The following NOTUM variants were observed in gnomAD, a reference collection of about 807,000 sequenced individuals.
The protein encoded by NOTUM is palmitoleoyl-protein carboxylesterase NOTUM.
A neutral mutation model predicts 65.5 loss-of-function variants in NOTUM; 36 were observed. The observed-to-expected ratio is 0.55, with a 90% confidence interval of 0.42 to 0.73. The LOEUF is 0.73. Among genes scored for constraint, NOTUM ranks in the 30% least tolerant of loss-of-function variants. The pLI is 0.00. For missense variants in NOTUM, 659 were observed against 694.2 expected, an observed-to-expected ratio of 0.95 and a Z score of 0.57; for synonymous variants, 356 against 297.9, an observed-to-expected ratio of 1.20 and a Z score of -2.01.
chr17:81,955,958 C>T (rs538403676), intron 8 of NOTUM, among the ~76,000 whole-genome samples: 4 of 150,964 alleles, frequency 2.6e-5, no homozygotes, highest in Admixed American at 6.6e-5. Context: ...CCTCCCAGGC[C>T]CCCTGCAGTG....
chr17:81,960,440 A>G lies in NOTUM; in HGVS notation c.323+147T>C, dbSNP rs1177509330. ...CGCTCCCCACGCGGAGAGTCACCGA[A>G]CCGGGCACTCCTCGGGGCCAGGACC... On this transcript the variant is annotated intron_variant, in intron 1 of 10. Coordinates refer to ENST00000409678, the MANE Select transcript of NOTUM (RefSeq NM_178493.6). The surrounding 1 kb of genome is among the most constrained non-coding windows in gnomAD (Gnocchi z 6.4). 3.7e-6 allele frequency: 2 copies of G among 533,666 alleles called. No individual in the cohort carries two copies. Among genetic ancestry groups the G allele is most frequent in the African/African-American group, 2.0e-5 (1 of 49,810 alleles). The allele number at this position is 533,666 out of a possible 1,614,324, so 33.1% of individuals were successfully genotyped here.
chr17:81,957,143 G>A, intron 6 of NOTUM, 69 bp from the exon 7 acceptor site: 1 of 1,367,720 alleles, frequency 7.3e-7, no homozygotes, highest in East Asian at 2.3e-5. Flanking sequence ...AGTCTGCTCA[G>A]CGTCAGCCCG....
chr17:81,959,298 T>A, intron 3 of NOTUM, 173 bp downstream of exon 3: 1 of 621,312 alleles, frequency 1.6e-6, no homozygotes, highest in Non-Finnish European at 2.8e-6. Flanking sequence ...TGAATGCTAA[T>A]GTGGAATGGG....
intron 9 of NOTUM, 113 bp from the exon 10 acceptor site, chr17:81,954,416 G>A (rs1376178204): frequency 9.8e-6 from 7 of 714,372 alleles, no homozygotes; most frequent in African/African-American, 1.8e-5. Flanking sequence ...TGTTGCTATG[G>A]CTGCCAGCTG....
At chr17:81,959,786 T>G in intron 1 of NOTUM, 94 bp from the exon 2 acceptor site, 2 of 674,474 alleles carry the variant, frequency 3.0e-6, no homozygotes, top group Non-Finnish European at 4.1e-6. Flanking sequence ...GCGCCACCTG[T>G]TCCGGCCGCG....
rs1231201061 is a variant in NOTUM at position 81,957,655 on chromosome 17, G to A, written c.695+151C>T. 3 of 623,420 alleles carry A rather than the reference G, an allele frequency of 4.8e-6. No homozygotes were observed. The African/African-American group carries it at 5.5e-5, about 11-fold the overall frequency. The allele number at this position is 623,420 out of a possible 1,614,324, so 38.6% of individuals were successfully genotyped here. A position where few individuals can be genotyped will look rare whatever the true frequency, so the allele number is the denominator to read the frequency against. On this transcript the variant is annotated intron_variant, in intron 6 of 10. Coordinates refer to ENST00000409678, the MANE Select transcript of NOTUM (RefSeq NM_178493.6). ...GTCTCCAATGATGCGGGTTCTCCCA[G>A]CTCCAGCCTCTCACCCTCCTAGCCA... is the stretch of plus-strand genomic sequence containing the variant.
intron 10 of NOTUM, among the ~76,000 whole-genome samples, chr17:81,953,597 GTTTTT>G (rs898489279): frequency 6.6e-6 from 1 of 151,842 alleles, no homozygotes; most frequent in African/African-American, 2.4e-5. Flanking sequence ...TCTAGCCTGG[GTTTTT>G]TTGTTTTGTT....
chr17:81,953,833 G>C (rs1488408844), intron 10 of NOTUM, among the ~76,000 whole-genome samples: 3 of 149,368 alleles, frequency 2.0e-5, no homozygotes, highest in Middle Eastern at 3.3e-3. Flanking sequence ...CCAGGATGGA[G>C]TGCAATGTTG....
chr17:81,958,586 AG>A (rs1371840667), intron 4 of NOTUM, among the ~76,000 whole-genome samples, 193 bp from the exon 5 acceptor site: 4 of 151,450 alleles, frequency 2.6e-5, no homozygotes, highest in African/African-American at 9.8e-5. Flanking sequence ...AACCCAGGAC[AG>A]GACCCTTTCC....
Position 81,956,913 on chromosome 17 carries a change from G to A in NOTUM, c.857C>T (p.Ala286Val), listed in dbSNP as rs1192317020. The A allele has an allele frequency of 3.1e-6, 5 of 1,611,986 alleles. No individual in the cohort carries two copies. The highest frequency in any genetic ancestry group is 2.7e-5 in the African/African-American group (2 of 74,930). Residue 286 changes from alanine to valine, a missense_variant, in exon 7 of 11, where the codon GCG (alanine) becomes GTG (valine). Physicochemically the swap from Ala to Val is moderately conservative, Grantham distance 64. Transcript: ENST00000409678. ...GCCACGGCGGATGGCCTCCGTGGGC[G>A]CGCACGTGATCGTGTCGACGCAGTC... is the stretch of plus-strand genomic sequence containing the variant. Reference protein sequence around the residue: ...HTDCVDTITCAPTEAIRRGIR... With the variant: ...HTDCVDTITCVPTEAIRRGIR...
Position 81,954,312 on chromosome 17 carries a change from G to A in NOTUM, c.1137-9C>T. On this transcript the variant is annotated splice_polypyrimidine_tract_variant and intron_variant, in intron 9 of 10. Coordinates refer to ENST00000409678, the MANE Select transcript of NOTUM (RefSeq NM_178493.6). ...CGGGGGCAAAGCTGGCCCTGTTGGA[G>A]AGGAGACAGTGGCTTGTGAGCTCCT... 6.2e-7 allele frequency: 1 copy of A among 1,610,430 alleles called. No homozygotes were observed.
At chr17:81,954,366 C>A (rs917331271) in intron 9 of NOTUM, 63 bp from the exon 10 acceptor site, 45 of 1,236,652 alleles carry the variant, frequency 3.6e-5, no homozygotes, top group Non-Finnish European at 5.0e-5. Context: ...TCCACCCCCA[C>A]TCCCCTAGAG....
At chr17:81,958,261 C>G in intron 5 of NOTUM, 74 bp downstream of exon 5, 1 of 994,104 alleles carries the variant, frequency 1.0e-6, no homozygotes. Flanking sequence ...CCTGCCCTGC[C>G]GTCCTGCCTC....
chr17:81,956,934 C>G lies in NOTUM; in HGVS notation c.836G>C (p.Cys279Ser), dbSNP rs754192539. 6.2e-7 allele frequency: 1 copy of G among 1,613,136 alleles called. No homozygotes were observed. Among genetic ancestry groups the G allele is most frequent in the East Asian group, 2.2e-5 (1 of 44,884 alleles). The change falls in exon 7 of 11, where the codon TGC (cysteine) becomes TCC (serine). Residue 279 changes from cysteine to serine, a missense_variant. Coordinates refer to ENST00000409678, the MANE Select transcript of NOTUM (RefSeq NM_178493.6). ...LDNKQYRHTD[C>S]VDTITCAPTE... ...GGGCGCGCACGTGATCGTGTCGACGCAGTCTGTGTGGCGATACTGCTTGTT... is the reference window on the plus strand; with the variant it reads ...GGGCGCGCACGTGATCGTGTCGACGGAGTCTGTGTGGCGATACTGCTTGTT...
Position 81,959,459 on chromosome 17 carries a change from C to T in NOTUM, c.472+12G>A, listed in dbSNP as rs777372445. ...TCACGTCGAGACGCCTTCCCCAGGG[C>T]CCGCCGCTGACCTGTGCGAGTGCGC... On this transcript the variant is annotated intron_variant, in intron 3 of 10. Transcript: ENST00000409678. 3 of 1,541,700 alleles carry T rather than the reference C, an allele frequency of 1.9e-6. No individual in the cohort carries two copies. The highest frequency in any genetic ancestry group is 2.7e-5 in the African/African-American group (2 of 72,846).
At chr17:81,955,219 G>A (rs766417891) in intron 9 of NOTUM, among the ~76,000 whole-genome samples, 178 bp downstream of exon 9, 1 of 152,116 alleles carries the variant, frequency 6.6e-6, no homozygotes, top group African/African-American at 2.4e-5. Flanking sequence ...GACCTCAGGT[G>A]ATCCACCTGC....
intron 9 of NOTUM, 103 bp downstream of exon 9, chr17:81,955,293 AT>A (rs958808776): frequency 7.6e-4 from 813 of 1,076,052 alleles, no homozygotes; most frequent in Non-Finnish European, 8.5e-4. Context: ...CAAGACCTCT[AT>A]TTTTTTTTGT....
In NOTUM at chr17:81,957,348, C is replaced by T. The variant is rs115400983; in HGVS notation, c.696-274G>A. Among the ~76,000 whole-genome samples, 347 of 152,292 alleles carry T rather than the reference C, an allele frequency of 2.3e-3. 3 individuals are homozygous for T. Among genetic ancestry groups the T allele is most frequent in the African/African-American group, 7.9e-3 (329 of 41,552 alleles). On this transcript the variant is annotated intron_variant, in intron 6 of 10. Transcript: ENST00000409678. Reference sequence around the variant, plus strand: ...TCTCTCTGTCTCTTTACCTCAGGTTCCTTATCTGAAAATGAAGATAAACTA... The same window carrying T: ...TCTCTCTGTCTCTTTACCTCAGGTTTCTTATCTGAAAATGAAGATAAACTA...
intron 10 of NOTUM, 65 bp from the exon 11 acceptor site, chr17:81,953,332 T>G: frequency 2.8e-6 from 3 of 1,065,016 alleles, no homozygotes; most frequent in Non-Finnish European, 4.1e-6. Flanking sequence ...AGGCAGCTGT[T>G]TTTTTTTTTG....
Sources: gnomAD v4.1 joint callset for allele counts (sites outside exome capture counted in the v4.1 genomes callset) on GRCh38, gnomAD v4.1.1 for gene constraint, Gnocchi (gnomAD v3.1) non-coding constraint, MANE v1.5 for transcripts, NCBI Gene and HGNC (gene_info 2026-07-23, HGNC 2026-07-21) for gene names.